Variants in HCN1 observed in about 807,000 individuals in gnomAD.
HCN1 encodes the protein potassium/sodium hyperpolarization-activated cyclic nucleotide-gated channel 1.
HCN1 carries 13 observed loss-of-function variants against 78.9 expected under a neutral mutation model. The ratio of observed to expected loss-of-function variants is 0.16; its 90% confidence interval spans 0.11 to 0.26. The LOEUF (loss-of-function observed/expected upper bound fraction) is 0.26. HCN1 is among the 10% of genes least tolerant of loss of function. The pLI is 1.00. For missense variants in HCN1, 810 were observed against 1,154.3 expected, an observed-to-expected ratio of 0.70 and a Z score of 4.32; for synonymous variants, 552 against 455.5, an observed-to-expected ratio of 1.21 and a Z score of -2.70.
intron 2 of HCN1, among the ~76,000 whole-genome samples, chr5:45,613,225 A>G (rs1264759265): frequency 2.1e-5 from 3 of 142,310 alleles, no homozygotes; most frequent in Non-Finnish European, 4.5e-5. Flanking sequence ...TCATTGTTCA[A>G]TTCCCACCTA....
At chr5:45,455,760 CAAAAAAAAAA>C (rs571706502) in intron 3 of HCN1, among the ~76,000 whole-genome samples, 1 of 59,834 alleles carries the variant, frequency 1.7e-5, no homozygotes, top group African/African-American at 4.6e-5. Flanking sequence ...TTCTGGAACT[CAAAAAAAAAA>C]AAAAAAAAAA....
chr5:45,444,717 T>C (rs1427488504), intron 3 of HCN1, among the ~76,000 whole-genome samples: 1 of 152,144 alleles, frequency 6.6e-6, no homozygotes, highest in Non-Finnish European at 1.5e-5. Context: ...ACTTCTTTTT[T>C]GCTTTTTGTT....
chr5:45,493,362 C>A (rs140829179), intron 2 of HCN1, among the ~76,000 whole-genome samples: 1 of 151,746 alleles, frequency 6.6e-6, no homozygotes, highest in Non-Finnish European at 1.5e-5. Flanking sequence ...AAAAATAAAT[C>A]GAGTTAAATA....
At chr5:45,413,708 C>T (rs1740066999) in intron 3 of HCN1, among the ~76,000 whole-genome samples, 1 of 151,822 alleles carries the variant, frequency 6.6e-6, no homozygotes. Flanking sequence ...GGCAGGAAAA[C>T]TTGGTTAAAG....
Position 45,406,920 on chromosome 5 carries a change from T to C in HCN1, c.1012-10210A>G, listed in dbSNP as rs531257235. On this transcript the variant is annotated intron_variant, in intron 3 of 7. Coordinates refer to ENST00000303230, the MANE Select transcript of HCN1 (RefSeq NM_021072.4). ...TTATACTTTCCTATTAGTCAAAAAC[T>C]TTTAATGAATTCTTCTTTCCACCTA... 7.2e-5 allele frequency among the ~76,000 whole-genome samples: 11 copies of C among 152,328 alleles called. No homozygotes were observed. In the South Asian group the frequency reaches 8.3e-4, roughly 11 times the overall value.
At chr5:45,270,857 C>G (rs2111852325) in intron 6 of HCN1, among the ~76,000 whole-genome samples, 1 of 152,184 alleles carries the variant, frequency 6.6e-6, no homozygotes, top group East Asian at 1.9e-4. Context: ...ATGTTAAAAA[C>G]AGATTTACTG....
intron 2 of HCN1, among the ~76,000 whole-genome samples, chr5:45,580,528 G>GT (rs1024327801): frequency 1.3e-5 from 2 of 151,852 alleles, no homozygotes; most frequent in East Asian, 3.9e-4. Flanking sequence ...AAGATTTGTT[G>GT]TTTTTTTGTT....
At chr5:45,358,991 G>A (rs1364038904) in intron 4 of HCN1, among the ~76,000 whole-genome samples, 1 of 152,000 alleles carries the variant, frequency 6.6e-6, no homozygotes. Context: ...CTGACAATCT[G>A]TCTTGCCATG....
At chr5:45,673,469 C>A in intron 1 of HCN1, among the ~76,000 whole-genome samples, 1 of 151,464 alleles carries the variant, frequency 6.6e-6, no homozygotes, top group African/African-American at 2.4e-5. Context: ...TGATTCAATA[C>A]TTTTTATATC....
At chr5:45,346,229 T>C (rs929101406) in intron 5 of HCN1, among the ~76,000 whole-genome samples, 1 of 152,204 alleles carries the variant, frequency 6.6e-6, no homozygotes, top group Non-Finnish European at 1.5e-5. Flanking sequence ...CAGTTCAACA[T>C]GACAGGTCAT....
intron 7 of HCN1, among the ~76,000 whole-genome samples, chr5:45,263,451 C>T (rs1744790878): frequency 6.6e-6 from 1 of 152,186 alleles, no homozygotes; most frequent in Non-Finnish European, 1.5e-5. Context: ...GAACCAACTG[C>T]CCCTGTCTCA....
At chr5:45,362,154 T>TTG (rs200176463) in intron 4 of HCN1, among the ~76,000 whole-genome samples, 7,503 of 142,564 alleles carry the variant, frequency 0.053, 283 homozygotes, top group African/African-American at 0.12. Context: ...GTGTGTGTGT[T>TTG]TGTGTGTGTG....
chr5:45,650,259 T>C (rs563530549), intron 1 of HCN1, among the ~76,000 whole-genome samples: 355 of 152,180 alleles, frequency 2.3e-3, no homozygotes, highest in African/African-American at 8.1e-3. Flanking sequence ...ATGCAAAGTG[T>C]AGCATATAGA....
intron 2 of HCN1, among the ~76,000 whole-genome samples, chr5:45,592,630 G>A (rs1744390909): frequency 6.6e-6 from 1 of 152,034 alleles, no homozygotes; most frequent in African/African-American, 2.4e-5. Context: ...TTCTTGGACT[G>A]TTTTTGAGCT....
chr5:45,627,961 T>G (rs1745199710), intron 2 of HCN1, among the ~76,000 whole-genome samples: 1 of 152,224 alleles, frequency 6.6e-6, no homozygotes, highest in African/African-American at 2.4e-5. Flanking sequence ...TGTGAAATTT[T>G]AGATAACTTT....
chr5:45,374,052 ATATTATATATATAATATATATAATATC>A (rs1561130108), intron 4 of HCN1, among the ~76,000 whole-genome samples: 13 of 104,824 alleles, frequency 1.2e-4, no homozygotes, highest in African/African-American at 4.7e-4. Context: ...TATATTATAT[ATATTATATATATAATATATATAATATC>A]TATTACATAT....
In HCN1 at chr5:45,562,561, C is replaced by T. The variant is rs1174021712; in HGVS notation, c.849+82624G>A. ...TAGGTAAATTTTATACACAAATAGG[C>T]ACACACAGAAAGACACATATACAAA... On this transcript the variant is annotated intron_variant, in intron 2 of 7. Coordinates refer to ENST00000303230, the MANE Select transcript of HCN1 (RefSeq NM_021072.4). 2.0e-5 allele frequency among the ~76,000 whole-genome samples: 3 copies of T among 151,842 alleles called. No individual in the cohort carries two copies. In the South Asian group the frequency reaches 6.2e-4, roughly 31 times the overall value.
intron 6 of HCN1, among the ~76,000 whole-genome samples, chr5:45,296,776 A>G (rs973440616): frequency 2.0e-5 from 3 of 151,984 alleles, no homozygotes; most frequent in Non-Finnish European, 4.4e-5. Flanking sequence ...ATCACTATTG[A>G]TCCTGGGGAC....
chr5:45,352,269 G>A (rs767025661), intron 5 of HCN1, among the ~76,000 whole-genome samples: 11 of 151,682 alleles, frequency 7.3e-5, no homozygotes, highest in South Asian at 4.2e-4. Flanking sequence ...GTAAACTATC[G>A]GAAGGACAAA....
Sources: allele counts gnomAD v4.1 joint callset (sites outside exome capture counted in the v4.1 genomes callset), GRCh38; gene constraint gnomAD v4.1.1; transcripts MANE v1.5; gene names NCBI Gene and HGNC (gene_info 2026-07-23, HGNC 2026-07-21).